Variants in DNAAF4 observed in about 807,000 individuals in gnomAD.
DNAAF4 encodes dynein axonemal assembly factor 4.
A neutral mutation model predicts 51.8 loss-of-function variants in DNAAF4; 43 were observed. That is an observed-to-expected ratio of 0.83 (90% CI 0.65 to 1.07). The LOEUF (loss-of-function observed/expected upper bound fraction) is 1.07, where lower values mean the gene tolerates loss of function less well. Among genes scored for constraint, DNAAF4 ranks in the 50% least tolerant of loss-of-function variants. The probability of loss-of-function intolerance (pLI) is 0.00; values close to 1 mark genes in which losing one functional copy is unlikely to be tolerated. For synonymous variants in DNAAF4, 194 were observed against 165.6 expected, an observed-to-expected ratio of 1.17 and a Z score of -1.32; for missense variants, 581 against 493.0, an observed-to-expected ratio of 1.18 and a Z score of -1.69.
intron 4 of DNAAF4, among the ~76,000 whole-genome samples, chr15:55,488,063 A>G (rs889441354): frequency 4.6e-5 from 7 of 151,676 alleles, no homozygotes; most frequent in Non-Finnish European, 8.8e-5. Flanking sequence ...CACAAACAAT[A>G]CTGCTTTGGA....
At chr15:55,469,712 G>C (rs1033157869) in intron 4 of DNAAF4, among the ~76,000 whole-genome samples, 1 of 151,364 alleles carries the variant, frequency 6.6e-6, no homozygotes, top group Admixed American at 6.6e-5. Flanking sequence ...GGATGGTCTC[G>C]ATCTCCTGAC....
downstream of DNAAF4, among the ~76,000 whole-genome samples, chr15:55,428,482 T>G (rs959939376): frequency 1.4e-5 from 2 of 138,296 alleles, no homozygotes; most frequent in African/African-American, 5.7e-5. Flanking sequence ...TGTCTTTTTT[T>G]TCTTTTTTTT....
At chr15:55,463,170 T>TCACACACACACA (rs754178816) in intron 5 of DNAAF4, among the ~76,000 whole-genome samples, 60 of 120,088 alleles carry the variant, frequency 5.0e-4, no homozygotes, top group African/African-American at 8.2e-4. Flanking sequence ...TGAGACTCTG[T>TCACACACACACA]CTCACACACA....
At chr15:55,503,831 A>G (rs1567038960) in intron 1 of DNAAF4, among the ~76,000 whole-genome samples, 2 of 152,208 alleles carry the variant, frequency 1.3e-5, no homozygotes, top group Admixed American at 1.3e-4. Flanking sequence ...CTGAATGGGC[A>G]AAAACTGGAA....
intron 5 of DNAAF4, among the ~76,000 whole-genome samples, chr15:55,450,716 A>G (rs1001944672): frequency 6.6e-6 from 1 of 151,962 alleles, no homozygotes; most frequent in Non-Finnish European, 1.5e-5. Flanking sequence ...ATCTCCTTAA[A>G]CTCTATAGCA....
chr15:55,445,921 G>GAA (rs2057795983), intron 6 of DNAAF4, among the ~76,000 whole-genome samples: 1 of 144,320 alleles, frequency 6.9e-6, no homozygotes, highest in Non-Finnish European at 1.5e-5. Context: ...CCTCCCAGAC[G>GAA]GGGCGGCCGA....
intron 7 of DNAAF4, among the ~76,000 whole-genome samples, chr15:55,424,815 C>A (rs1018178474): frequency 6.6e-6 from 1 of 152,084 alleles, no homozygotes; most frequent in Non-Finnish European, 1.5e-5. Flanking sequence ...CCTGCCTCAG[C>A]CTCCCAAAGT....
chr15:55,428,322 G>A (rs201106283), downstream of DNAAF4, among the ~76,000 whole-genome samples: 1 of 152,062 alleles, frequency 6.6e-6, no homozygotes, highest in East Asian at 1.9e-4. Context: ...CAGGCAAGAA[G>A]GAGGTCGGCT....
At chr15:55,430,072 G>A, downstream of DNAAF4, among the ~76,000 whole-genome samples, 1 of 152,110 alleles carries the variant, frequency 6.6e-6, no homozygotes, top group African/African-American at 2.4e-5. Context: ...ATAGTGTTAT[G>A]AAATATGATC....
At chr15:55,502,280 G>A (rs2058703674) in intron 1 of DNAAF4, among the ~76,000 whole-genome samples, 1 of 152,010 alleles carries the variant, frequency 6.6e-6, no homozygotes, top group Non-Finnish European at 1.5e-5. Flanking sequence ...GAAAGCAAGG[G>A]TAATTCTATT....
At chr15:55,481,936 T>C (rs1374333836) in intron 4 of DNAAF4, among the ~76,000 whole-genome samples, 3 of 152,200 alleles carry the variant, frequency 2.0e-5, no homozygotes. Context: ...CCTTCATTTG[T>C]GTAGGGTGCA....
downstream of DNAAF4, among the ~76,000 whole-genome samples, chr15:55,425,531 G>A (rs913814076): frequency 2.0e-5 from 3 of 152,004 alleles, no homozygotes; most frequent in South Asian, 2.1e-4. Flanking sequence ...ACTAAGCCTC[G>A]TTCCATGCTG....
At chr15:55,458,638 CT>C (rs1201059775) in intron 5 of DNAAF4, among the ~76,000 whole-genome samples, 4 of 152,184 alleles carry the variant, frequency 2.6e-5, no homozygotes, top group Admixed American at 2.6e-4. Flanking sequence ...TCAAGAAAAA[CT>C]TCCATGGTCT....
intron 6 of DNAAF4, among the ~76,000 whole-genome samples, chr15:55,446,689 T>TGGC: frequency 1.4e-5 from 1 of 72,714 alleles, no homozygotes; most frequent in Admixed American, 1.4e-4. Context: ...CCAGACGGGG[T>TGGC]GGCCGGGCAG....
At chr15:55,481,441 G>C (rs564771451) in intron 4 of DNAAF4, among the ~76,000 whole-genome samples, 39 of 152,092 alleles carry the variant, frequency 2.6e-4, no homozygotes, top group Non-Finnish European at 5.7e-4. Context: ...ATTGATTTTT[G>C]GACCATTTTT....
chr15:55,434,263 T>C (rs1378495819), intron 8 of DNAAF4, among the ~76,000 whole-genome samples: 1 of 150,666 alleles, frequency 6.6e-6, no homozygotes, highest in Non-Finnish European at 1.5e-5. Flanking sequence ...TATTCATTCA[T>C]TCAACAAATA....
chr15:55,423,725 G>A (rs542183219), intron 7 of DNAAF4, among the ~76,000 whole-genome samples: 12 of 152,256 alleles, frequency 7.9e-5, no homozygotes, highest in African/African-American at 1.2e-4. Flanking sequence ...GGCTAAGGCC[G>A]GTGGATCACT....
At position 55,493,478 on chromosome 15, in the gene DNAAF4, T is replaced by C. The variant is rs556523619; in HGVS notation, c.272-2222A>G. Among the ~76,000 whole-genome samples the C allele has an allele frequency of 7.3e-4, 111 of 152,262 alleles. 1 individual carries two copies. The highest frequency in any genetic ancestry group is 1.3e-3 in the Admixed American group (20 of 15,290). ...CAGGAAGGTAGACAGCTAAGTCAGC[T>C]TCAGCGGCAGAAATAACTGGAAGAA... is the stretch of plus-strand genomic sequence containing the variant. On this transcript the variant is annotated intron_variant, in intron 3 of 9. Transcript: ENST00000321149.
At chr15:55,421,786 G>A (rs1394498996) in intron 7 of DNAAF4, among the ~76,000 whole-genome samples, 13 of 151,874 alleles carry the variant, frequency 8.6e-5, no homozygotes. Flanking sequence ...CTACTTGGGA[G>A]TCTGAGGCAG....
Sources: allele counts gnomAD v4.1 joint callset (sites outside exome capture counted in the v4.1 genomes callset), GRCh38; gene constraint gnomAD v4.1.1; transcripts MANE v1.5; gene names NCBI Gene and HGNC (gene_info 2026-07-23, HGNC 2026-07-21).